The following ZDHHC24 variants were observed in gnomAD, a reference collection of about 807,000 sequenced individuals.
The protein encoded by ZDHHC24 is probable palmitoyltransferase ZDHHC24.
Under a neutral mutation model 23.2 loss-of-function variants are expected in ZDHHC24, and 17 were observed. That is an observed-to-expected ratio of 0.73 (90% CI 0.50 to 1.10). ZDHHC24 has a LOEUF of 1.10. ZDHHC24 is among the 50% of genes least tolerant of loss of function. The pLI is 0.00. For missense variants in ZDHHC24, 366 were observed against 393.0 expected (o/e 0.93, Z 0.58); for synonymous variants, 186 against 194.5 (o/e 0.96, Z 0.36).
Position 66,545,862 on chromosome 11 carries a change from G to T in ZDHHC24, c.142C>A (p.Pro48Thr), listed in dbSNP as rs1353695873. 1 of 1,552,048 alleles carries T rather than the reference G, an allele frequency of 6.4e-7. No homozygotes were observed. The highest frequency in any genetic ancestry group is 1.2e-5 in the South Asian group (1 of 85,734). The change falls in exon 1 of 3, where the codon CCC becomes ACC. Residue 48 changes from proline (P) to threonine (T), a missense_variant. Coordinates refer to ENST00000310442, the MANE Select transcript of ZDHHC24 (RefSeq NM_207340.3). This position sits in a 1 kb window ranked among gnomAD's most constrained non-coding sequence, Gnocchi z 4.5. ...VLGPGPPPLG[P>T]LARALQLALA... ...GCCAGCTGCAAGGCCCGGGCCAGGG[G>T]TCCCAGCGGCGGCGGCCCGGGACCG...
At chr11:66,521,915 AAAAAAAAAAAAAGCAGGGGGGTGCCGGG>A (rs1856244398) in intron 4 of ZDHHC24, among the ~76,000 whole-genome samples, 1 of 149,930 alleles carries the variant, frequency 6.7e-6, no homozygotes, top group Non-Finnish European at 1.5e-5. Flanking sequence ...AAAAAAAAAA[AAAAAAAAAAAAAGCAGGGGGGTGCCGGG>A]TGCATTGCCT....
chr11:66,536,577 A>G lies in ZDHHC24; in HGVS notation c.*2952T>C, dbSNP rs1247574975. The G allele has an allele frequency of 6.5e-6, 1 of 153,612 alleles. No individual in the cohort carries two copies. Among genetic ancestry groups the G allele is most frequent in the African/African-American group, 2.4e-5 (1 of 41,280 alleles). 9.5% of individuals were successfully genotyped at this position (153,612 alleles called of 1,614,324 possible). A position where few individuals can be genotyped will look rare whatever the true frequency, so the allele number is the denominator to read the frequency against. ...ACAAAACACACAAAAAAACATGAAAATAAGATATTGTGGGCTGGGCGCAGT... is the reference window on the plus strand; with the variant it reads ...ACAAAACACACAAAAAAACATGAAAGTAAGATATTGTGGGCTGGGCGCAGT... On this transcript the variant is annotated 3_prime_UTR_variant, in exon 3 of 3. Coordinates refer to ENST00000310442, the MANE Select transcript of ZDHHC24 (RefSeq NM_207340.3).
chr11:66,522,956 C>CA (rs1264429912), intron 4 of ZDHHC24: 1 of 359,246 alleles, frequency 2.8e-6, no homozygotes, highest in Non-Finnish European at 5.5e-6. Flanking sequence ...TAGGCCAACT[C>CA]AAAGTGGGAA....
intron 4 of ZDHHC24, among the ~76,000 whole-genome samples, chr11:66,522,641 C>T (rs1025019077): frequency 1.4e-4 from 22 of 152,152 alleles, no homozygotes; most frequent in Non-Finnish European, 2.9e-4. Flanking sequence ...CCACCACACC[C>T]GGCCTAACAT....
rs1365398959 is a variant in ZDHHC24, at chr11:66,543,980, A to T, written c.283T>A (p.Tyr95Asn). Residue 95 changes from tyrosine (Y) to asparagine (N), a missense_variant and splice_region_variant, in exon 2 of 3, where the codon TAC becomes AAC. Coordinates refer to ENST00000310442, the MANE Select transcript of ZDHHC24 (RefSeq NM_207340.3). ...ACCTGGCTTTGGCATTGGTAGCAGT[A>T]ACTGCAGGAAGGAACCACAGCGTCA... is the stretch of plus-strand genomic sequence containing the variant. Reference protein sequence around the residue: ...AGRGLGQGWAYCYQCQSQVPP... With the variant: ...AGRGLGQGWANCYQCQSQVPP... The T allele has an allele frequency of 2.5e-6, 4 of 1,613,024 alleles. No individual in the cohort carries two copies.
intron 4 of ZDHHC24, chr11:66,523,713 T>C: frequency 6.2e-7 from 1 of 1,610,788 alleles, no homozygotes; most frequent in Non-Finnish European, 8.5e-7. Flanking sequence ...ACGCTGGCTG[T>C]TCCCTGCCAG....
downstream of ZDHHC24, chr11:66,530,890 A>G (rs778416468): frequency 1.9e-6 from 3 of 1,614,068 alleles, no homozygotes; most frequent in Middle Eastern, 1.6e-4. Context: ...CACCCTCTCC[A>G]TAGGTTCAGG....
In ZDHHC24 at chr11:66,523,582, G is replaced by GC. The variant is rs1435573561; in HGVS notation, c.*22-2117dup. ...TGCATGGCTTCACCCACAAGGTGCAGCCCCCAGCAAGCAGCAGCCCCTCCA... is the reference window on the plus strand; with the variant it reads ...TGCATGGCTTCACCCACAAGGTGCAGCCCCCCAGCAAGCAGCAGCCCCTCCA... On this transcript the variant is annotated intron_variant, in intron 4 of 4. Coordinates refer to the ZDHHC24 transcript ENST00000526986. 4 of 1,614,102 alleles carry GC rather than the reference G, an allele frequency of 2.5e-6. 1 individual carries two copies. Among genetic ancestry groups the GC allele is most frequent in the Non-Finnish European group, 2.5e-6 (3 of 1,180,020 alleles).
chr11:66,529,278 T>A, intron 3 of ZDHHC24: 1 of 1,533,558 alleles, frequency 6.5e-7, no homozygotes, highest in Middle Eastern at 1.9e-4. Flanking sequence ...CCTAGGTGAC[T>A]TGATGGACAG....
rs781283997 is a variant in ZDHHC24, at chr11:66,521,388, C to T, written c.*100G>A. ...TATATTCTGAGAAGGTAGCCACATC[C>T]GTGGTCTCCGGGGCCGGGAGGAACA... On this transcript the variant is annotated 3_prime_UTR_variant, in exon 5 of 5. Transcript: ENST00000526986. 2.0e-5 allele frequency: 32 copies of T among 1,608,198 alleles called. No individual in the cohort carries two copies. Among genetic ancestry groups the T allele is most frequent in the Admixed American group, 1.8e-4 (11 of 59,998 alleles).
chr11:66,545,704 G>T lies in ZDHHC24; in HGVS notation c.281+19C>A, dbSNP rs761331722. 6.7e-7 allele frequency: 1 copy of T among 1,500,678 alleles called. No individual in the cohort carries two copies. Among genetic ancestry groups the T allele is most frequent in the Admixed American group, 2.3e-5 (1 of 44,406 alleles). 93.0% of individuals were successfully genotyped at this position (1,500,678 alleles called of 1,614,324 possible). A position where few individuals can be genotyped will look rare whatever the true frequency, so the allele number is the denominator to read the frequency against. On this transcript the variant is annotated intron_variant, in intron 1 of 2. Coordinates refer to ENST00000310442, the MANE Select transcript of ZDHHC24 (RefSeq NM_207340.3). This position sits in a 1 kb window ranked among gnomAD's most constrained non-coding sequence, Gnocchi z 4.5. ...CCAAGGCTCCCACTTCTCCCCGCCC[G>T]ATCCCGCACCCCACTCACGCCCAGC...
downstream of ZDHHC24, chr11:66,531,022 C>T (rs773295731): frequency 1.2e-6 from 2 of 1,614,204 alleles, no homozygotes; most frequent in African/African-American, 1.3e-5. Flanking sequence ...CCCGGGCCTT[C>T]TTCAAGGTAC....
At chr11:66,529,563 C>T (rs1043663755) in intron 2 of ZDHHC24, 1 of 697,120 alleles carries the variant, frequency 1.4e-6, no homozygotes, top group East Asian at 2.7e-5. Context: ...TAGGGCCGGA[C>T]AGAGAAGCCA....
At position 66,538,627 on chromosome 11, in the gene ZDHHC24, T is replaced by C. The variant is rs975449704; in HGVS notation, c.*902A>G. 2.0e-5 allele frequency: 3 copies of C among 152,226 alleles called. No homozygotes were observed. Among genetic ancestry groups the C allele is most frequent in the Admixed American group, 2.0e-4 (3 of 15,276 alleles). The allele number at this position is 152,226 out of a possible 1,614,324, so 9.4% of individuals were successfully genotyped here. A position where few individuals can be genotyped will look rare whatever the true frequency, so the allele number is the denominator to read the frequency against. On this transcript the variant is annotated 3_prime_UTR_variant, in exon 3 of 3. Transcript: ENST00000310442. ...CCCTTTGTATTATTTTTGATTTTCT[T>C]TACTATCATCTTAGAGAGATCCTAA...
chr11:66,525,726 G>A (rs958821632), intron 4 of ZDHHC24, among the ~76,000 whole-genome samples: 1 of 152,190 alleles, frequency 6.6e-6, no homozygotes, highest in Non-Finnish European at 1.5e-5. Context: ...CAGAAAAGGC[G>A]GGTTGGAGTC....
chr11:66,539,862 T>G, intron 2 of ZDHHC24, 38 bp from the exon 3 acceptor site: 1 of 1,511,380 alleles, frequency 6.6e-7, no homozygotes, highest in Non-Finnish European at 8.9e-7. Flanking sequence ...GGAGGGGCAG[T>G]GGGGTCCGGC....
intron 4 of ZDHHC24, chr11:66,521,644 G>A (rs566203398): frequency 2.3e-5 from 10 of 443,310 alleles, no homozygotes; most frequent in East Asian, 1.4e-4. Flanking sequence ...TGTGGCTCAC[G>A]CCTGTAATCC....
At chr11:66,531,923 C>T (rs1327488691), downstream of ZDHHC24, 5 of 1,569,632 alleles carry the variant, frequency 3.2e-6, no homozygotes, top group South Asian at 1.2e-5. Context: ...GGTGTATGCC[C>T]CCTGCTGCCA....
chr11:66,535,832 G>C lies in ZDHHC24; in HGVS notation c.*3697C>G, dbSNP rs570682023. 6.6e-6 allele frequency: 1 copy of C among 152,306 alleles called. No homozygotes were observed. Among genetic ancestry groups the C allele is most frequent in the East Asian group, 1.9e-4 (1 of 5,192 alleles). The allele number at this position is 152,306 out of a possible 1,614,324, so 9.4% of individuals were successfully genotyped here. ...AAGGTTACATGGAAGAGCAAGGGCC[G>C]AGACTAGAGTTTAGGAGATGATTCC... On this transcript the variant is annotated 3_prime_UTR_variant, in exon 3 of 3. Transcript: ENST00000310442.
Sources: gnomAD v4.1 joint callset for allele counts (sites outside exome capture counted in the v4.1 genomes callset) on GRCh38, gnomAD v4.1.1 for gene constraint, Gnocchi (gnomAD v3.1) non-coding constraint, MANE v1.5 for transcripts, NCBI Gene and HGNC (gene_info 2026-07-23, HGNC 2026-07-21) for gene names.